The following AP3B1 variants were observed in gnomAD, a reference collection of about 807,000 sequenced individuals.
AP3B1 encodes the protein AP-3 complex subunit beta-1.
A neutral mutation model predicts 132.5 loss-of-function variants in AP3B1; 61 were observed. That is an observed-to-expected ratio of 0.46 (90% CI 0.37 to 0.57). The LOEUF (loss-of-function observed/expected upper bound fraction) is 0.57. Ranked by LOEUF, AP3B1 falls within the 20% of genes least tolerant of loss-of-function variation. The pLI, the probability that AP3B1 is intolerant of heterozygous loss-of-function variation, is 0.00. For missense variants in AP3B1, 1,120 were observed against 1,289.4 expected (o/e 0.87, Z 2.01); for synonymous variants, 388 against 438.3 (o/e 0.89, Z 1.43).
chr5:78,063,696 T>C (rs1749157057), intron 22 of AP3B1, among the ~76,000 whole-genome samples: 1 of 152,222 alleles, frequency 6.6e-6, no homozygotes. Flanking sequence ...GAAGCCCTAC[T>C]ATGTGCCATT....
At chr5:78,011,275 A>G (rs1482263437) in intron 26 of AP3B1, among the ~76,000 whole-genome samples, 7 of 151,850 alleles carry the variant, frequency 4.6e-5, no homozygotes, top group African/African-American at 1.7e-4. Flanking sequence ...TGAACTCCTG[A>G]CCTCAAGTGA....
chr5:78,225,630 T>C (rs1483861233), intron 5 of AP3B1, 22 bp from the exon 6 acceptor site: 3 of 1,444,770 alleles, frequency 2.1e-6, no homozygotes, highest in Non-Finnish European at 1.9e-6. Context: ...AAAAATAACA[T>C]ATTAATTTTT....
At chr5:78,108,545 C>T (rs898116163) in intron 20 of AP3B1, among the ~76,000 whole-genome samples, 2 of 152,092 alleles carry the variant, frequency 1.3e-5, no homozygotes, top group African/African-American at 4.8e-5. Flanking sequence ...AATAAGCCAC[C>T]TAAGGGAAAC....
intron 18 of AP3B1, 102 bp downstream of exon 18, chr5:78,116,024 C>T (rs770068594): frequency 1.1e-6 from 1 of 877,528 alleles, no homozygotes; most frequent in Non-Finnish European, 1.9e-6. Context: ...ACAAACTTCA[C>T]TTAAAACTAC....
chr5:78,020,243 T>A (rs1185299212), intron 25 of AP3B1, among the ~76,000 whole-genome samples: 1 of 151,960 alleles, frequency 6.6e-6, no homozygotes, highest in Non-Finnish European at 1.5e-5. Flanking sequence ...TAATTAGGAG[T>A]TTATTTTGAA....
chr5:78,024,646 C>G (rs1020324980), intron 24 of AP3B1, among the ~76,000 whole-genome samples: 3 of 149,646 alleles, frequency 2.0e-5, no homozygotes, highest in African/African-American at 7.4e-5. Context: ...CTCACTGCAA[C>G]CTCCACCTCT....
At chr5:78,196,762 C>G (rs1489408726) in intron 7 of AP3B1, among the ~76,000 whole-genome samples, 1 of 152,070 alleles carries the variant, frequency 6.6e-6, no homozygotes, top group Non-Finnish European at 1.5e-5. Context: ...GTGAGAGAAT[C>G]CAATCTGAAT....
chr5:78,053,650 A>AGCCTGGT (rs1380504873), intron 22 of AP3B1, among the ~76,000 whole-genome samples: 3 of 144,856 alleles, frequency 2.1e-5, no homozygotes, highest in African/African-American at 7.6e-5. Context: ...ATTGTACTCC[A>AGCCTGGT]GCCTGGTGAT....
intron 2 of AP3B1, among the ~76,000 whole-genome samples, chr5:78,250,462 T>C (rs1747583074): frequency 6.6e-6 from 1 of 152,164 alleles, no homozygotes; most frequent in Admixed American, 6.5e-5. Flanking sequence ...AATTTATTAA[T>C]ACGAATACTA....
In AP3B1 at chr5:78,175,475, AT is replaced by A. The variant is rs1352424741; in HGVS notation, c.1167+150del. ...AATGTAGTACAGTAATTAGTATATA[AT>A]AATATAGATTGAAAAGTATAAAGAA... On this transcript the variant is annotated intron_variant, in intron 11 of 26. Transcript: ENST00000255194. 4.6e-6 allele frequency: 3 copies of A among 654,454 alleles called. No homozygotes were observed. The African/African-American group carries it at 5.5e-5, about 12-fold the overall frequency. 40.5% of individuals were successfully genotyped at this position (654,454 alleles called of 1,614,324 possible).
chr5:78,240,866 A>G lies in AP3B1; in HGVS notation c.275T>C (p.Ile92Thr). 6.2e-7 allele frequency: 1 copy of G among 1,608,748 alleles called. No homozygotes were observed. Among genetic ancestry groups the G allele is most frequent in the Non-Finnish European group, 8.5e-7 (1 of 1,175,288 alleles). ...AATTATAGATCAAAACAGTACCTCA[A>G]TATTTTTACTGGCCACATTCTTCAC... Reference protein sequence around the residue: ...AVVKNVASKNIEIKKLVYVYL... With the variant: ...AVVKNVASKNTEIKKLVYVYL... The change falls in exon 3 of 27, where the codon ATT becomes ACT. Residue 92 changes from isoleucine to threonine, a missense_variant. Around this residue, in one of 3 missense-constraint regions of AP3B1, gnomAD observed 129 missense variants for 212.4 expected, o/e 0.61. Transcript: ENST00000255194.
At chr5:78,007,652 G>C (rs193142784) in intron 26 of AP3B1, among the ~76,000 whole-genome samples, 1 of 152,156 alleles carries the variant, frequency 6.6e-6, no homozygotes, top group African/African-American at 2.4e-5. Flanking sequence ...CAATACCAAA[G>C]TATAGTGATT....
At chr5:78,083,923 A>G (rs1003346188) in intron 22 of AP3B1, among the ~76,000 whole-genome samples, 4 of 152,184 alleles carry the variant, frequency 2.6e-5, no homozygotes, top group African/African-American at 9.6e-5. Context: ...TAATATACAT[A>G]AGGAAAACAA....
chr5:78,277,787 G>A (rs904162976), intron 1 of AP3B1, among the ~76,000 whole-genome samples: 1 of 152,182 alleles, frequency 6.6e-6, no homozygotes, highest in Non-Finnish European at 1.5e-5. Flanking sequence ...GAAAGACACA[G>A]AAGAACCCTT....
chr5:78,116,572 T>C (rs1195682072), intron 17 of AP3B1, among the ~76,000 whole-genome samples: 1 of 138,494 alleles, frequency 7.2e-6, no homozygotes, highest in Non-Finnish European at 1.6e-5. Context: ...ATAACAGCAA[T>C]AACAAACACA....
chr5:78,274,765 A>G (rs1044830651), intron 1 of AP3B1, among the ~76,000 whole-genome samples: 9 of 152,136 alleles, frequency 5.9e-5, no homozygotes, highest in Non-Finnish European at 1.3e-4. Flanking sequence ...TACAAAAAAT[A>G]TTTTTAAAAA....
intron 22 of AP3B1, among the ~76,000 whole-genome samples, chr5:78,039,959 T>C (rs1748002520): frequency 6.6e-6 from 1 of 151,846 alleles, no homozygotes; most frequent in Non-Finnish European, 1.5e-5. Context: ...CTAACTTTCT[T>C]ATTGGTTTTA....
At chr5:78,014,034 G>A (rs888963292) in intron 26 of AP3B1, among the ~76,000 whole-genome samples, 1 of 152,148 alleles carries the variant, frequency 6.6e-6, no homozygotes, top group Non-Finnish European at 1.5e-5. Context: ...GTGGTGCCGG[G>A]TGCCTGTAGT....
intron 13 of AP3B1, among the ~76,000 whole-genome samples, chr5:78,161,527 T>C (rs2112368140): frequency 6.6e-6 from 1 of 152,130 alleles, no homozygotes; most frequent in South Asian, 2.1e-4. Flanking sequence ...ACATTTTTAA[T>C]GTCACATTTT....
Sources: allele counts gnomAD v4.1 joint callset (sites outside exome capture counted in the v4.1 genomes callset), GRCh38; gene constraint gnomAD v4.1.1; regional missense constraint gnomAD v4.1.1; transcripts MANE v1.5; gene names NCBI Gene and HGNC (gene_info 2026-07-23, HGNC 2026-07-21).